The following MARCHF3 variants were observed in gnomAD, a reference collection of about 807,000 sequenced individuals.
The protein encoded by MARCHF3 is membrane associated ring-CH-type finger 3.
MARCHF3 carries 13 observed loss-of-function variants against 24.2 expected under a neutral mutation model. The observed-to-expected ratio is 0.54, with a 90% confidence interval of 0.35 to 0.85. The LOEUF (loss-of-function observed/expected upper bound fraction) is 0.85. MARCHF3 is among the 40% of genes least tolerant of loss of function. MARCHF3 has a pLI of 0.01. For synonymous variants in MARCHF3, 144 were observed against 137.3 expected (o/e 1.05, Z -0.34); for missense variants, 276 against 325.0 (o/e 0.85, Z 1.16).
intron 1 of MARCHF3, among the ~76,000 whole-genome samples, chr5:126,959,760 C>A (rs1320124946): frequency 6.6e-6 from 1 of 152,048 alleles, no homozygotes; most frequent in African/African-American, 2.4e-5. Context: ...CTTAAATGAT[C>A]ACGGCCAATA....
chr5:126,998,787 C>T (rs1203547814), intron 1 of MARCHF3, among the ~76,000 whole-genome samples: 1 of 152,110 alleles, frequency 6.6e-6, no homozygotes, highest in Non-Finnish European at 1.5e-5. Context: ...CTGTCAATCC[C>T]CAGGACATGC....
chr5:126,917,529 C>G (rs1748917331), intron 2 of MARCHF3, among the ~76,000 whole-genome samples: 1 of 152,310 alleles, frequency 6.6e-6, no homozygotes, highest in Non-Finnish European at 1.5e-5. Context: ...TAGCCCTGGA[C>G]AGCGCTTCCA....
chr5:126,972,242 A>T (rs1751043133), intron 1 of MARCHF3, among the ~76,000 whole-genome samples: 1 of 150,332 alleles, frequency 6.7e-6, no homozygotes, highest in African/African-American at 2.5e-5. Context: ...AAAATTAAAG[A>T]ACTAAAAAAA....
chr5:126,986,471 T>C (rs2126839610), intron 1 of MARCHF3, among the ~76,000 whole-genome samples: 1 of 152,358 alleles, frequency 6.6e-6, no homozygotes, highest in South Asian at 2.1e-4. Flanking sequence ...TCGTAGTTTA[T>C]TATTTTAAAA....
chr5:127,001,787 T>C (rs1156970307), intron 1 of MARCHF3, among the ~76,000 whole-genome samples: 1 of 152,208 alleles, frequency 6.6e-6, no homozygotes, highest in Non-Finnish European at 1.5e-5. Flanking sequence ...GCCCACATGA[T>C]GCAAGTAAGT....
intron 1 of MARCHF3, among the ~76,000 whole-genome samples, chr5:127,010,255 A>G (rs1052597659): frequency 6.6e-5 from 10 of 152,230 alleles, no homozygotes; most frequent in African/African-American, 2.4e-4. Flanking sequence ...AGGCACATAA[A>G]GGTTTAGATA....
intron 3 of MARCHF3, among the ~76,000 whole-genome samples, chr5:126,885,567 A>C (rs1753487111): frequency 6.6e-6 from 1 of 152,226 alleles, no homozygotes; most frequent in African/African-American, 2.4e-5. Context: ...TGATTTAAAA[A>C]AAATCTTGAT....
At chr5:126,954,067 G>T (rs1441576060) in intron 1 of MARCHF3, among the ~76,000 whole-genome samples, 1 of 151,452 alleles carries the variant, frequency 6.6e-6, no homozygotes, top group East Asian at 1.9e-4. Flanking sequence ...ATTTTTTTGA[G>T]ACGGAGTCTC....
At chr5:126,913,022 C>T (rs1754595112) in intron 3 of MARCHF3, among the ~76,000 whole-genome samples, 1 of 152,176 alleles carries the variant, frequency 6.6e-6, no homozygotes, top group South Asian at 2.1e-4. Flanking sequence ...TGACAGTTGC[C>T]TAAGATCCAG....
At chr5:126,906,694 T>C (rs542176437) in intron 3 of MARCHF3, among the ~76,000 whole-genome samples, 10 of 152,342 alleles carry the variant, frequency 6.6e-5, no homozygotes, top group South Asian at 2.1e-4. Context: ...TGTGTCTATT[T>C]GATTCTTCTC....
At chr5:126,880,887 C>CTAAT (rs1210277983) in intron 3 of MARCHF3, among the ~76,000 whole-genome samples, 1 of 152,152 alleles carries the variant, frequency 6.6e-6, no homozygotes, top group Non-Finnish European at 1.5e-5. Flanking sequence ...AAACACTGAC[C>CTAAT]TCATTAGCTA....
At chr5:126,939,084 A>C (rs1749741119) in intron 1 of MARCHF3, among the ~76,000 whole-genome samples, 1 of 152,188 alleles carries the variant, frequency 6.6e-6, no homozygotes, top group Admixed American at 6.5e-5. Flanking sequence ...CTTCTTGGAT[A>C]TTGTATAATA....
At chr5:127,026,401 G>A (rs1187322114) in intron 1 of MARCHF3, among the ~76,000 whole-genome samples, 2 of 152,176 alleles carry the variant, frequency 1.3e-5, no homozygotes, top group African/African-American at 4.8e-5. Context: ...GATTCTATAC[G>A]TAGGCTTTGC....
chr5:126,991,703 A>G (rs1006592369), intron 1 of MARCHF3, among the ~76,000 whole-genome samples: 1 of 151,594 alleles, frequency 6.6e-6, no homozygotes, highest in Admixed American at 6.6e-5. Flanking sequence ...CCTGGACGAC[A>G]GAGCAAGATT....
At chr5:126,906,925 G>A (rs1256945118) in intron 3 of MARCHF3, among the ~76,000 whole-genome samples, 2 of 151,730 alleles carry the variant, frequency 1.3e-5, no homozygotes, top group Non-Finnish European at 2.9e-5. Context: ...GTCAATTTTG[G>A]ATCTTTCCTG....
intron 1 of MARCHF3, among the ~76,000 whole-genome samples, chr5:126,970,979 T>C (rs1249959283): frequency 1.3e-5 from 2 of 152,226 alleles, no homozygotes; most frequent in Non-Finnish European, 2.9e-5. Flanking sequence ...TCTGCTTGTT[T>C]GGCTCCTGAG....
At chr5:127,015,151 G>A (rs780601383) in intron 1 of MARCHF3, among the ~76,000 whole-genome samples, 15 of 152,160 alleles carry the variant, frequency 9.9e-5, no homozygotes, top group South Asian at 4.1e-4. Flanking sequence ...TTTCAAATAC[G>A]GATGTATTTT....
chr5:126,998,536 CCA>C (rs1231122150), intron 1 of MARCHF3, among the ~76,000 whole-genome samples: 6 of 152,264 alleles, frequency 3.9e-5, no homozygotes, highest in Non-Finnish European at 8.8e-5. Flanking sequence ...ACGGCTGAGG[CCA>C]CACACAGAAG....
At chr5:127,023,911 GCTTAGTCAC>G (rs2126865760) in intron 1 of MARCHF3, among the ~76,000 whole-genome samples, 1 of 152,232 alleles carries the variant, frequency 6.6e-6, no homozygotes, top group Admixed American at 6.5e-5. Context: ...CACAGCCAAA[GCTTAGTCAC>G]CTGCATTGGA....
Sources: gnomAD v4.1 joint callset for allele counts (sites outside exome capture counted in the v4.1 genomes callset) on GRCh38, gnomAD v4.1.1 for gene constraint, MANE v1.5 for transcripts, NCBI Gene and HGNC (gene_info 2026-07-23, HGNC 2026-07-21) for gene names.